ADAMTS14: variants seen among roughly 807,000 people sequenced by gnomAD.
The protein encoded by ADAMTS14 is ADAM metallopeptidase with thrombospondin type 1 motif 14.
ADAMTS14 carries 100 observed loss-of-function variants against 128.6 expected under a neutral mutation model. The observed-to-expected ratio is 0.78, with a 90% confidence interval of 0.66 to 0.92. ADAMTS14 has a LOEUF of 0.92. Ranked by LOEUF, ADAMTS14 falls within the 40% of genes least tolerant of loss-of-function variation. ADAMTS14 has a pLI of 0.00. For synonymous variants in ADAMTS14, 665 were observed against 653.8 expected (o/e 1.02, Z -0.26); for missense variants, 1,562 against 1,658.6 (o/e 0.94, Z 1.01).
chr10:70,718,740 G>A (rs1841149465), intron 4 of ADAMTS14, among the ~76,000 whole-genome samples: 1 of 151,530 alleles, frequency 6.6e-6, no homozygotes, highest in Non-Finnish European at 1.5e-5. Flanking sequence ...GGAGCGCAGT[G>A]GTGCAATCAT....
chr10:70,673,067 T>C (rs1839530467), intron 1 of ADAMTS14, among the ~76,000 whole-genome samples, 183 bp downstream of exon 1: 1 of 152,198 alleles, frequency 6.6e-6, no homozygotes, highest in Admixed American at 6.5e-5. Flanking sequence ...TTTCTCTCCC[T>C]TTCTGGTACT....
intron 19 of ADAMTS14, among the ~76,000 whole-genome samples, chr10:70,754,753 G>A (rs1842440213): frequency 6.6e-6 from 1 of 152,094 alleles, no homozygotes; most frequent in Admixed American, 6.6e-5. Context: ...CTTTTAACAT[G>A]GGCATTACAA....
At chr10:70,713,346 TG>T (rs1358970170) in intron 4 of ADAMTS14, among the ~76,000 whole-genome samples, 1 of 62,670 alleles carries the variant, frequency 1.6e-5, no homozygotes, top group Non-Finnish European at 3.1e-5. Flanking sequence ...TGGGGTGGGG[TG>T]GGGGTCAGGG....
intron 18 of ADAMTS14, among the ~76,000 whole-genome samples, chr10:70,753,589 A>G (rs1842405267): frequency 1.3e-5 from 2 of 152,216 alleles, no homozygotes; most frequent in African/African-American, 4.8e-5. Context: ...CCTGTTTTTC[A>G]GACGAGACAC....
At chr10:70,701,642 T>C (rs1368339874) in intron 2 of ADAMTS14, among the ~76,000 whole-genome samples, 1 of 152,236 alleles carries the variant, frequency 6.6e-6, no homozygotes, top group Non-Finnish European at 1.5e-5. Context: ...TTTTTGTTTT[T>C]ATTTCCAAGG....
In ADAMTS14 at chr10:70,719,585, T is replaced by TAA. The variant is rs1229522559; in HGVS notation, c.871-9704_871-9703dup. ...CCCAGCTAATTTTTATTTTTTTTTT[T>TAA]AAAAAATAGACAAGGTCTCACTACG... On this transcript the variant is annotated intron_variant, in intron 4 of 21. Transcript: ENST00000373207. Among the ~76,000 whole-genome samples, 36 of 151,554 alleles carry TAA rather than the reference T, an allele frequency of 2.4e-4. No homozygotes were observed. In the East Asian group the frequency reaches 4.1e-3, roughly 17 times the overall value.
chr10:70,703,376 G>A (rs901212824), intron 3 of ADAMTS14, among the ~76,000 whole-genome samples: 4 of 152,254 alleles, frequency 2.6e-5, no homozygotes, highest in Admixed American at 2.6e-4. Flanking sequence ...CCTTGTGCCA[G>A]CTCCCTATGG....
chr10:70,685,964 T>G (rs1226746991), intron 2 of ADAMTS14, among the ~76,000 whole-genome samples: 1 of 152,184 alleles, frequency 6.6e-6, no homozygotes, highest in African/African-American at 2.4e-5. Context: ...ATGGCCCAGT[T>G]AGTGGGATTT....
intron 15 of ADAMTS14, chr10:70,745,596 C>T (rs10999506): frequency 2.3e-6 from 1 of 439,980 alleles, no homozygotes; most frequent in Non-Finnish European, 4.2e-6. Flanking sequence ...TTAATAATTT[C>T]TTGTGCACAT....
intron 9 of ADAMTS14, among the ~76,000 whole-genome samples, chr10:70,736,010 C>A (rs766579562): frequency 2.0e-5 from 3 of 152,234 alleles, no homozygotes; most frequent in African/African-American, 7.2e-5. Context: ...CGCCCCCAAC[C>A]ATGTGTGGAC....
At chr10:70,699,047 A>G (rs903931005) in intron 2 of ADAMTS14, among the ~76,000 whole-genome samples, 13 of 152,134 alleles carry the variant, frequency 8.5e-5, no homozygotes, top group Admixed American at 5.2e-4. Flanking sequence ...GGAGAGTTGG[A>G]GAATGAGTGT....
chr10:70,742,077 C>G (rs553836631), intron 12 of ADAMTS14, among the ~76,000 whole-genome samples: 1 of 152,342 alleles, frequency 6.6e-6, no homozygotes, highest in African/African-American at 2.4e-5. Context: ...ATGACAGACT[C>G]TTCAGGTTGG....
intron 11 of ADAMTS14, 100 bp from the exon 12 acceptor site, chr10:70,740,887 T>C: frequency 7.8e-7 from 1 of 1,285,816 alleles, no homozygotes; most frequent in Non-Finnish European, 1.1e-6. Context: ...TGTCATGCTA[T>C]TATGAATGGC....
chr10:70,736,345 C>T (rs781273088), intron 9 of ADAMTS14, among the ~76,000 whole-genome samples: 3 of 152,126 alleles, frequency 2.0e-5, no homozygotes, highest in Admixed American at 6.5e-5. Context: ...GGCAGGGGCA[C>T]TGTGAACCCA....
chr10:70,679,169 T>C (rs559217819), intron 2 of ADAMTS14, among the ~76,000 whole-genome samples: 106 of 152,094 alleles, frequency 7.0e-4, no homozygotes, highest in African/African-American at 2.4e-3. Context: ...CTGGAGGAGG[T>C]AGCAATTGCT....
chr10:70,753,247 C>T (rs1437783601), intron 18 of ADAMTS14, among the ~76,000 whole-genome samples: 2 of 152,180 alleles, frequency 1.3e-5, no homozygotes, highest in Non-Finnish European at 2.9e-5. Context: ...GCTTAAGATG[C>T]TGTTGGAAGT....
chr10:70,713,211 A>C (rs989884896), intron 4 of ADAMTS14, among the ~76,000 whole-genome samples: 1 of 152,104 alleles, frequency 6.6e-6, no homozygotes, highest in Non-Finnish European at 1.5e-5. Flanking sequence ...TGGAGGGTGG[A>C]TCAGGCTTGC....
chr10:70,750,534 C>A (rs1161460885), intron 16 of ADAMTS14, among the ~76,000 whole-genome samples: 1 of 152,204 alleles, frequency 6.6e-6, no homozygotes, highest in Non-Finnish European at 1.5e-5. Flanking sequence ...GTGCCCTCAG[C>A]ACTGGCTGGT....
In ADAMTS14 at chr10:70,745,280, C is replaced by A. The variant is rs1251139847; in HGVS notation, c.2237C>A (p.Ala746Glu). The change falls in exon 15 of 22, where the codon GCA (alanine) becomes GAA (glutamate). Residue 746 changes from alanine (A) to glutamate (E), a missense_variant. Physicochemically the swap from Ala to Glu is moderately radical, Grantham distance 107 (BLOSUM62 -1). Transcript: ENST00000373207. ...PAGARHIQIE[A>E]LEKSPHRIVV... ...GGTGCCAGGCACATCCAGATTGAGG[C>A]ACTGGAGAAGTCCCCCCACCGCATT... is the stretch of plus-strand genomic sequence containing the variant. The A allele has an allele frequency of 1.9e-6, 3 of 1,612,620 alleles. No homozygotes were observed. The East Asian group carries it at 6.7e-5, about 36-fold the overall frequency.
Sources: allele counts gnomAD v4.1 joint callset (sites outside exome capture counted in the v4.1 genomes callset), GRCh38; gene constraint gnomAD v4.1.1; transcripts MANE v1.5; gene names NCBI Gene and HGNC (gene_info 2026-07-23, HGNC 2026-07-21).